GRM8: variants seen among roughly 807,000 people sequenced by gnomAD.
GRM8 encodes glutamate metabotropic receptor 8, also known as metabotropic glutamate receptor 8.
In GRM8, 47 loss-of-function variants were observed where a neutral mutation model predicts 87.2. The ratio of observed to expected loss-of-function variants is 0.54; its 90% CI spans 0.43 to 0.69. The LOEUF is 0.69. GRM8 is among the 30% of genes least tolerant of loss of function. GRM8 has a pLI of 0.00. For missense variants in GRM8, 1,019 were observed against 1,139.2 expected (o/e 0.89, Z 1.52); for synonymous variants, 396 against 404.5 (o/e 0.98, Z 0.25).
rs557245753 is a variant in GRM8, at chr7:126,983,203, C to CAT, written c.728-78522_728-78521dup. Among the ~76,000 whole-genome samples the CAT allele has an allele frequency of 8.5e-4, 129 of 152,200 alleles. 2 individuals carry two copies. Among genetic ancestry groups the CAT allele is most frequent in the African/African-American group, 2.9e-3 (121 of 41,538 alleles). On this transcript the variant is annotated intron_variant, in intron 3 of 10. Transcript: ENST00000339582. ...AACTAAGACTTCTAGGCCAGCAGAA[C>CAT]ATAATATTGTGGGAACAGGAAGCAA...
chr7:126,512,174 C>T (rs969999066), intron 9 of GRM8: 5 of 152,128 alleles, frequency 3.3e-5, no homozygotes, highest in African/African-American at 1.2e-4. Flanking sequence ...CCTCCCCAGA[C>T]TCACTGTATA....
At chr7:127,020,708 C>T (rs1343664756) in intron 3 of GRM8, among the ~76,000 whole-genome samples, 1 of 152,062 alleles carries the variant, frequency 6.6e-6, no homozygotes, top group Non-Finnish European at 1.5e-5. Context: ...CACTGGTTCC[C>T]TCCTAAGAAG....
intron 9 of GRM8, among the ~76,000 whole-genome samples, chr7:126,515,880 T>C (rs1812092518): frequency 6.6e-6 from 1 of 152,120 alleles, no homozygotes; most frequent in Non-Finnish European, 1.5e-5. Flanking sequence ...ATATATTATA[T>C]TCACAGGTTC....
chr7:126,926,843 C>T (rs17150350), intron 3 of GRM8, among the ~76,000 whole-genome samples: 1,697 of 152,324 alleles, frequency 0.011, 17 homozygotes, highest in East Asian at 0.044. Context: ...ATTGGTTGGA[C>T]ATTCATAACC....
rs2150791848 is a variant in GRM8, at chr7:126,521,276, A to G, written c.2430+11676T>C. On this transcript the variant is annotated intron_variant, in intron 9 of 10. Transcript: ENST00000339582. ...TAGGATTTAAGCCAACAGACAAAAG[A>G]AAATACATTTCTTGGTATTTTTCCC... 1.3e-5 allele frequency among the ~76,000 whole-genome samples: 2 copies of G among 152,324 alleles called. 1 individual carries two copies. The highest frequency in any genetic ancestry group is 4.1e-4 in the South Asian group (2 of 4,828).
intron 3 of GRM8, among the ~76,000 whole-genome samples, chr7:127,010,350 T>C (rs1814764785): frequency 6.6e-6 from 1 of 152,170 alleles, no homozygotes; most frequent in South Asian, 2.1e-4. Context: ...AAGTTTTCTC[T>C]TTAAATGAAT....
chr7:126,655,026 C>A (rs934117058), intron 7 of GRM8, among the ~76,000 whole-genome samples: 4 of 152,022 alleles, frequency 2.6e-5, no homozygotes, highest in Non-Finnish European at 5.9e-5. Flanking sequence ...CCCAAAGAAA[C>A]AGAACTGAGA....
At chr7:126,651,116 C>T (rs192866610) in intron 7 of GRM8, among the ~76,000 whole-genome samples, 123 of 152,220 alleles carry the variant, frequency 8.1e-4, no homozygotes, top group African/African-American at 2.9e-3. Flanking sequence ...GTTTGCCTGT[C>T]CTGCACACAA....
chr7:127,108,523 T>A (rs1826027868), intron 2 of GRM8, among the ~76,000 whole-genome samples: 1 of 152,144 alleles, frequency 6.6e-6, no homozygotes. Context: ...CCTATTTGGA[T>A]ACCGATACTC....
At chr7:126,933,819 A>G (rs907516623) in intron 3 of GRM8, among the ~76,000 whole-genome samples, 1 of 152,244 alleles carries the variant, frequency 6.6e-6, no homozygotes. Flanking sequence ...CCATGAGAGC[A>G]GGAACCATGT....
At chr7:126,813,544 A>T (rs1793498075) in intron 6 of GRM8, among the ~76,000 whole-genome samples, 1 of 152,232 alleles carries the variant, frequency 6.6e-6, no homozygotes. Flanking sequence ...CAAATTGGTT[A>T]CTATCTTAAA....
At chr7:126,837,414 G>A (rs576138472) in intron 6 of GRM8, among the ~76,000 whole-genome samples, 3 of 152,306 alleles carry the variant, frequency 2.0e-5, no homozygotes, top group Middle Eastern at 6.8e-3. Flanking sequence ...CACTTTATAT[G>A]CAAATATGCC....
At position 126,893,056 on chromosome 7, in the gene GRM8, T is replaced by C. The variant is rs1801211146; in HGVS notation, c.1156+9486A>G. Among the ~76,000 whole-genome samples, 3 of 152,078 alleles carry C rather than the reference T, an allele frequency of 2.0e-5. No individual in the cohort carries two copies. The South Asian group carries it at 6.2e-4, about 32-fold the overall frequency. On this transcript the variant is annotated intron_variant, in intron 6 of 10. Transcript: ENST00000339582. ...ATAAATGAAACCTTTTTAAATGACA[T>C]TTTCCATTATGTACTCCAAGTTGTC...
chr7:127,048,686 C>A (rs1415702395), intron 3 of GRM8, among the ~76,000 whole-genome samples: 1 of 152,154 alleles, frequency 6.6e-6, no homozygotes, highest in Non-Finnish European at 1.5e-5. Flanking sequence ...TGGTTTTAAA[C>A]CTAGAGTCCA....
intron 2 of GRM8, among the ~76,000 whole-genome samples, chr7:127,151,155 A>G (rs1828839673): frequency 6.6e-6 from 1 of 151,984 alleles, no homozygotes; most frequent in Non-Finnish European, 1.5e-5. Flanking sequence ...TTAGGACAGC[A>G]CTGGAGACTC....
intron 6 of GRM8, among the ~76,000 whole-genome samples, chr7:126,848,158 A>G (rs939660462): frequency 4.6e-5 from 7 of 152,210 alleles, no homozygotes; most frequent in South Asian, 2.1e-4. Flanking sequence ...GAAATGTAAT[A>G]AAGACGGGAA....
rs1203037296 is a variant in GRM8 at position 127,162,006 on chromosome 7, T to A, written c.511-55294A>T. ...CATGCTGATCACAGGGATGTTAGAGTGAACACAATGGAATATTACTCATTG... is the reference window on the plus strand; with the variant it reads ...CATGCTGATCACAGGGATGTTAGAGAGAACACAATGGAATATTACTCATTG... On this transcript the variant is annotated intron_variant, in intron 2 of 10. Transcript: ENST00000339582. Among the ~76,000 whole-genome samples, 3 of 152,118 alleles carry A rather than the reference T, an allele frequency of 2.0e-5. No individual in the cohort carries two copies. In the East Asian group the frequency reaches 5.8e-4, roughly 29 times the overall value.
At chr7:126,691,046 C>A (rs1243693994) in intron 7 of GRM8, among the ~76,000 whole-genome samples, 1 of 152,186 alleles carries the variant, frequency 6.6e-6, no homozygotes, top group African/African-American at 2.4e-5. Flanking sequence ...GGGAACTGCC[C>A]CTTTCCACCC....
rs17869540 is a variant in GRM8, at chr7:127,174,749, A to G, written c.510+67946T>C. Among the ~76,000 whole-genome samples the G allele has an allele frequency of 7.0e-3, 1,060 of 152,328 alleles. 11 individuals carry two copies. Among genetic ancestry groups the G allele is most frequent in the African/African-American group, 0.024 (991 of 41,576 alleles). ...ATACAAGAATGACTATTTCCTAACC[A>G]TGTATAAAAAGCTGTTTCAAAGTTT... is the stretch of plus-strand genomic sequence containing the variant. On this transcript the variant is annotated intron_variant, in intron 2 of 10. Coordinates refer to ENST00000339582, the MANE Select transcript of GRM8 (RefSeq NM_000845.3).
Sources: allele counts gnomAD v4.1 joint callset (sites outside exome capture counted in the v4.1 genomes callset), GRCh38; gene constraint gnomAD v4.1.1; transcripts MANE v1.5; gene names NCBI Gene and HGNC (gene_info 2026-07-23, HGNC 2026-07-21).